The following RPS6KA2 variants were observed in gnomAD, a reference collection of about 807,000 sequenced individuals.
The protein encoded by RPS6KA2 is ribosomal protein S6 kinase A2.
In RPS6KA2, 42 loss-of-function variants were observed where a neutral mutation model predicts 91.8. The observed-to-expected ratio is 0.46, with a 90% CI of 0.36 to 0.59. The LOEUF is 0.59. RPS6KA2 is among the 20% of genes least tolerant of loss of function. RPS6KA2 has a pLI of 0.00. For synonymous variants in RPS6KA2, 414 were observed against 393.6 expected (o/e 1.05, Z -0.61); for missense variants, 798 against 978.5 (o/e 0.82, Z 2.46).
At position 166,434,390 on chromosome 6, in the gene RPS6KA2, C is replaced by T. The variant is rs1391530739; in HGVS notation, c.1333-1900G>A. ...TAGGACACTAGGACTAATTCTATTG[C>T]CAACATAAATGCATCATTCTCAAGT... On this transcript the variant is annotated intron_variant, in intron 14 of 20. Coordinates refer to ENST00000265678, the MANE Select transcript of RPS6KA2 (RefSeq NM_021135.6). This position sits in a 1 kb window ranked among gnomAD's most constrained non-coding sequence, Gnocchi z 4.4. Among the ~76,000 whole-genome samples the T allele has an allele frequency of 6.6e-6, 1 of 152,160 alleles. No homozygotes were observed. Among genetic ancestry groups the T allele is most frequent in the Non-Finnish European group, 1.5e-5 (1 of 68,028 alleles).
In RPS6KA2 at chr6:166,780,394, A is replaced by G. The variant is rs371633121; in HGVS notation, c.123+77806T>C. Among the ~76,000 whole-genome samples the G allele has an allele frequency of 3.3e-5, 5 of 152,340 alleles. No individual in the cohort carries two copies. In the East Asian group the frequency reaches 9.7e-4, roughly 29 times the overall value. Reference sequence around the variant, plus strand: ...GATGGGGGAAGGACCACCAGCAACCATGAAGCCAGAGAGAGGCCCGAGCAC... The same window carrying G: ...GATGGGGGAAGGACCACCAGCAACCGTGAAGCCAGAGAGAGGCCCGAGCAC... On this transcript the variant is annotated intron_variant, in intron 2 of 21. Coordinates refer to the RPS6KA2 transcript ENST00000503859.
intron 1 of RPS6KA2, among the ~76,000 whole-genome samples, chr6:166,611,904 G>A (rs1786192046): frequency 6.6e-6 from 1 of 152,224 alleles, no homozygotes; most frequent in Non-Finnish European, 1.5e-5. Flanking sequence ...CCAGGAAAGT[G>A]CCATGGGTAG....
In RPS6KA2 at chr6:166,557,599, T is replaced by C. The variant is rs1784214057; in HGVS notation, c.100-18815A>G. Among the ~76,000 whole-genome samples, 1 of 152,232 alleles carries C rather than the reference T, an allele frequency of 6.6e-6. No individual in the cohort carries two copies. The highest frequency in any genetic ancestry group is 2.4e-5 in the African/African-American group (1 of 41,446). ...AGAAAAATCAGCTTTTGTGTTTTTG[T>C]GTCTGTTATTAAAAAATGTTTTAAT... is the stretch of plus-strand genomic sequence containing the variant. On this transcript the variant is annotated intron_variant, in intron 1 of 20. Coordinates refer to ENST00000265678, the MANE Select transcript of RPS6KA2 (RefSeq NM_021135.6). This position sits in a 1 kb window ranked among gnomAD's most constrained non-coding sequence, Gnocchi z 4.8.
chr6:166,524,522 C>G (rs1362367829), intron 3 of RPS6KA2, among the ~76,000 whole-genome samples: 1 of 152,158 alleles, frequency 6.6e-6, no homozygotes, highest in Non-Finnish European at 1.5e-5. Flanking sequence ...ACAGCTGAAC[C>G]AAGACATCAT....
chr6:166,456,989 G>T (rs1474638387), intron 12 of RPS6KA2, among the ~76,000 whole-genome samples: 3 of 152,224 alleles, frequency 2.0e-5, no homozygotes, highest in African/African-American at 7.2e-5. Context: ...TGGCCAACTA[G>T]GTTGGGGTTT....
At chr6:166,677,291 A>G (rs1788645134) in intron 2 of RPS6KA2, among the ~76,000 whole-genome samples, 1 of 152,188 alleles carries the variant, frequency 6.6e-6, no homozygotes, top group South Asian at 2.1e-4. Context: ...GAGATATAAA[A>G]TAGTAGAAGA....
intron 19 of RPS6KA2, among the ~76,000 whole-genome samples, chr6:166,417,490 A>G (rs6925920): frequency 0.71 from 107,370 of 152,036 alleles, 38,241 homozygotes; most frequent in South Asian, 0.84. Context: ...TGTGGCAGAT[A>G]GCCTGTGGTG....
At position 166,604,506 on chromosome 6, in the gene RPS6KA2, G is replaced by C. The variant is rs540223117; in HGVS notation, c.99+22415C>G. 5.3e-5 allele frequency among the ~76,000 whole-genome samples: 8 copies of C among 152,322 alleles called. No homozygotes were observed. In the South Asian group the frequency reaches 1.7e-3, roughly 32 times the overall value. Reference sequence around the variant, plus strand: ...GAAGTTGCCGGAGCTGGGTTCACTGGGGATCGTAAGGGAGCTTCCCGGGCG... The same window carrying C: ...GAAGTTGCCGGAGCTGGGTTCACTGCGGATCGTAAGGGAGCTTCCCGGGCG... On this transcript the variant is annotated intron_variant, in intron 1 of 20. Coordinates refer to ENST00000265678, the MANE Select transcript of RPS6KA2 (RefSeq NM_021135.6).
chr6:166,756,419 G>A (rs534775293), intron 2 of RPS6KA2, among the ~76,000 whole-genome samples: 185 of 152,340 alleles, frequency 1.2e-3, no homozygotes, highest in Admixed American at 3.3e-3. Flanking sequence ...TTTTTAAAAA[G>A]AATTACATGA....
intron 3 of RPS6KA2, among the ~76,000 whole-genome samples, chr6:166,529,556 C>A (rs1233485203): frequency 2.6e-5 from 4 of 151,866 alleles, no homozygotes; most frequent in Non-Finnish European, 4.4e-5. Flanking sequence ...TGTACCCTAG[C>A]ACTTAAAGCA....
chr6:166,460,511 C>G (rs1187373136), intron 11 of RPS6KA2, among the ~76,000 whole-genome samples: 2 of 152,040 alleles, frequency 1.3e-5, no homozygotes, highest in Non-Finnish European at 2.9e-5. Flanking sequence ...GGAGGGAGGA[C>G]TGGGGCCTGA....
rs576232286 is a variant in RPS6KA2 at position 166,858,542 on chromosome 6, C to T, written c.64-283G>A. On this transcript the variant is annotated intron_variant, in intron 1 of 21. Coordinates refer to the RPS6KA2 transcript ENST00000503859. ...AAATCAATGAAGCGAGTGTGACTTA[C>T]GGTACAATCTAAAGGACGACAAGGT... is the stretch of plus-strand genomic sequence containing the variant. Among the ~76,000 whole-genome samples the T allele has an allele frequency of 3.3e-5, 5 of 152,300 alleles. No individual in the cohort carries two copies. In the East Asian group the frequency reaches 5.8e-4, roughly 18 times the overall value.
At chr6:166,710,875 C>A (rs4710085) in intron 2 of RPS6KA2, among the ~76,000 whole-genome samples, 85,685 of 151,974 alleles carry the variant, frequency 0.56, 27,285 homozygotes, top group South Asian at 0.82. Context: ...CAGGCACAGA[C>A]AAAATAAAAT....
intron 11 of RPS6KA2, among the ~76,000 whole-genome samples, chr6:166,468,867 A>AAAAAT (rs1780643264): frequency 6.6e-6 from 1 of 151,704 alleles, no homozygotes; most frequent in African/African-American, 2.4e-5. Flanking sequence ...AAAAAAAAAA[A>AAAAAT]AAAAAAGAAG....
intron 17 of RPS6KA2, among the ~76,000 whole-genome samples, chr6:166,420,405 T>G (rs1778680207): frequency 6.6e-6 from 1 of 151,982 alleles, no homozygotes; most frequent in South Asian, 2.1e-4. Context: ...AAACAACAAC[T>G]CCCTGTCCCC....
intron 12 of RPS6KA2, among the ~76,000 whole-genome samples, chr6:166,455,987 T>C (rs934513233): frequency 6.6e-6 from 1 of 152,060 alleles, no homozygotes; most frequent in East Asian, 1.9e-4. Context: ...GGATTGGGAG[T>C]CCAATTTACA....
intron 2 of RPS6KA2, among the ~76,000 whole-genome samples, chr6:166,713,971 C>G (rs1213805644): frequency 6.6e-6 from 1 of 152,220 alleles, no homozygotes; most frequent in Non-Finnish European, 1.5e-5. Flanking sequence ...GTGCTTCATA[C>G]CTCAGCTTCC....
chr6:166,720,081 CT>C (rs1002845336), intron 2 of RPS6KA2, among the ~76,000 whole-genome samples: 1 of 152,202 alleles, frequency 6.6e-6, no homozygotes, highest in Non-Finnish European at 1.5e-5. Flanking sequence ...ATTAATAAGA[CT>C]TTCACTTATG....
At chr6:166,837,242 C>T (rs1024234295) in intron 2 of RPS6KA2, among the ~76,000 whole-genome samples, 17 of 152,148 alleles carry the variant, frequency 1.1e-4, no homozygotes, top group African/African-American at 4.1e-4. Context: ...CCCACCCCCA[C>T]GGAGCAGCCT....
Sources: allele counts gnomAD v4.1 joint callset (sites outside exome capture counted in the v4.1 genomes callset), GRCh38; gene constraint gnomAD v4.1.1; non-coding constraint Gnocchi (gnomAD v3.1); transcripts MANE v1.5; gene names NCBI Gene and HGNC (gene_info 2026-07-23, HGNC 2026-07-21).